FAR1: variants seen among roughly 807,000 people sequenced by gnomAD.
FAR1 encodes the protein fatty acyl-CoA reductase 1.
Under a neutral mutation model 61.1 loss-of-function variants are expected in FAR1, and 22 were observed. The ratio of observed to expected loss-of-function variants is 0.36; its 90% CI spans 0.26 to 0.51. FAR1 has a LOEUF of 0.51. Among genes scored for constraint, FAR1 ranks in the 20% least tolerant of loss-of-function variants. The pLI is 0.95. For missense variants in FAR1, 359 were observed against 626.9 expected (o/e 0.57, Z 4.56); for synonymous variants, 206 against 209.7 (o/e 0.98, Z 0.15).
intron 9 of FAR1, among the ~76,000 whole-genome samples, chr11:13,717,723 A>C (rs929227038): frequency 6.6e-6 from 1 of 152,196 alleles, no homozygotes; most frequent in Non-Finnish European, 1.5e-5. Context: ...GTTTTTGTTG[A>C]AGCTACTCAT....
intron 3 of FAR1, among the ~76,000 whole-genome samples, chr11:13,703,084 A>G (rs955555361): frequency 1.3e-5 from 2 of 152,202 alleles, no homozygotes; most frequent in South Asian, 2.1e-4. Context: ...TTGACTTCCA[A>G]GTGGTGATAG....
chr11:13,708,109 A>G, intron 4 of FAR1, 30 bp downstream of exon 4: 2 of 1,497,666 alleles, frequency 1.3e-6, no homozygotes, highest in Admixed American at 2.0e-5. Flanking sequence ...ATATACATTT[A>G]CTTTGATCCC....
At chr11:13,700,042 A>G (rs1848353070) in intron 2 of FAR1, among the ~76,000 whole-genome samples, 1 of 152,176 alleles carries the variant, frequency 6.6e-6, no homozygotes, top group African/African-American at 2.4e-5. Context: ...TGGACAGTTC[A>G]AATTCAACTT....
chr11:13,675,322 A>G (rs1848055765), intron 1 of FAR1, among the ~76,000 whole-genome samples: 1 of 152,216 alleles, frequency 6.6e-6, no homozygotes. Flanking sequence ...GGGAACTGAC[A>G]TTATTTTAGA....
At chr11:13,695,071 AC>A (rs200144475) in intron 2 of FAR1, 117 bp downstream of exon 2, 391 of 825,430 alleles carry the variant, frequency 4.7e-4, no homozygotes, top group South Asian at 7.2e-4. Flanking sequence ...AATTAGTAAA[AC>A]AAAAAAACTT....
intron 9 of FAR1, among the ~76,000 whole-genome samples, chr11:13,719,653 A>T (rs1394057216): frequency 6.6e-6 from 1 of 152,158 alleles, no homozygotes; most frequent in African/African-American, 2.4e-5. Context: ...TCTATTTTTA[A>T]TCTGTGTACT....
intron 1 of FAR1, among the ~76,000 whole-genome samples, chr11:13,685,807 A>T (rs568618139): frequency 6.6e-6 from 1 of 152,208 alleles, no homozygotes; most frequent in East Asian, 1.9e-4. Context: ...TCTCAGCAAG[A>T]GGTTGTCTTA....
Position 13,721,664 on chromosome 11 carries a change from G to A in FAR1, c.1128-66G>A. ...TATTATAGGGGGAAACTTGCACCCT[G>A]GGTGGTGATAGGATTTTTCCTAATC... On this transcript the variant is annotated intron_variant, in intron 9 of 11. Coordinates refer to ENST00000354817, the MANE Select transcript of FAR1 (RefSeq NM_032228.6). The surrounding 1 kb of genome is among the most constrained non-coding windows in gnomAD (Gnocchi z 4.2). 2.2e-6 allele frequency: 3 copies of A among 1,389,608 alleles called. No homozygotes were observed. Among genetic ancestry groups the A allele is most frequent in the Non-Finnish European group, 3.0e-6 (3 of 1,003,550 alleles). 86.1% of individuals were successfully genotyped at this position (1,389,608 alleles called of 1,614,324 possible).
chr11:13,683,460 GT>G (rs1848152013), intron 1 of FAR1, among the ~76,000 whole-genome samples: 1 of 151,820 alleles, frequency 6.6e-6, no homozygotes, highest in Non-Finnish European at 1.5e-5. Context: ...CTGATTGGGA[GT>G]AAAAAAAACA....
intron 5 of FAR1, among the ~76,000 whole-genome samples, chr11:13,711,463 C>T (rs1046472558): frequency 1.3e-5 from 2 of 152,122 alleles, no homozygotes; most frequent in African/African-American, 4.8e-5. Context: ...CTTGAACAAG[C>T]TTAATTTTGT....
Position 13,724,568 on chromosome 11 carries a change from A to G in FAR1, c.1257+2709A>G, listed in dbSNP as rs950578718. Among the ~76,000 whole-genome samples the G allele has an allele frequency of 1.7e-4, 23 of 132,774 alleles. No homozygotes were observed. The South Asian group carries it at 5.6e-3, about 32-fold the overall frequency. 87.1% of individuals were successfully genotyped at this position (132,774 alleles called of 152,430 possible). A position where few individuals can be genotyped will look rare whatever the true frequency, so the allele number is the denominator to read the frequency against. On this transcript the variant is annotated intron_variant, in intron 10 of 11. Transcript: ENST00000354817. ...CCGCCTCAAAAAAAAAAAAAAAAAA[A>G]AGACTGTAGATTTGGGTCATTACAG...
chr11:13,697,362 T>C (rs1311364862), intron 2 of FAR1, among the ~76,000 whole-genome samples: 1 of 151,972 alleles, frequency 6.6e-6, no homozygotes, highest in East Asian at 1.9e-4. Flanking sequence ...CTCGGGAGGC[T>C]GAGGTGGGAG....
intron 1 of FAR1, among the ~76,000 whole-genome samples, 183 bp from the exon 2 acceptor site, chr11:13,694,576 A>G (rs1565343654): frequency 6.6e-6 from 1 of 152,208 alleles, no homozygotes; most frequent in Non-Finnish European, 1.5e-5. Flanking sequence ...AAAATAAGCT[A>G]TAGTTCTCAT....
Position 13,694,950 on chromosome 11 carries a change from G to T in FAR1, c.185G>T (p.Gly62Val), listed in dbSNP as rs1182993963. The T allele has an allele frequency of 1.9e-6, 3 of 1,607,502 alleles. No individual in the cohort carries two copies. The highest frequency in any genetic ancestry group is 2.5e-6 in the Non-Finnish European group (3 of 1,176,722). The change falls in exon 2 of 12, where the codon GGC becomes GTC. Residue 62 changes from glycine to valine, a missense_variant. Coordinates refer to ENST00000354817, the MANE Select transcript of FAR1 (RefSeq NM_032228.6). ...GAGCGAGTGGAAGAAGTCCTTAGTGGCAAGGTAAGTATGGAAAATGAGCAC... is the reference window on the plus strand; with the variant it reads ...GAGCGAGTGGAAGAAGTCCTTAGTGTCAAGGTAAGTATGGAAAATGAGCAC... ...PQERVEEVLS[G>V]KLFDRLRDEN...
intron 1 of FAR1, among the ~76,000 whole-genome samples, chr11:13,678,048 C>T (rs980603203): frequency 2.0e-5 from 3 of 152,216 alleles, no homozygotes; most frequent in Non-Finnish European, 2.9e-5. Flanking sequence ...CACAGTTTCA[C>T]TGATGGCAAG....
chr11:13,697,843 A>G (rs536324910), intron 2 of FAR1, among the ~76,000 whole-genome samples: 2 of 152,134 alleles, frequency 1.3e-5, no homozygotes, highest in Admixed American at 6.5e-5. Flanking sequence ...ATATTCTTCA[A>G]GTTTCAGGCT....
chr11:13,722,785 T>C (rs1177114045), intron 10 of FAR1, among the ~76,000 whole-genome samples: 1 of 151,968 alleles, frequency 6.6e-6, no homozygotes, highest in Non-Finnish European at 1.5e-5. Context: ...CACAGTTCTC[T>C]ATTTAAACCC....
chr11:13,722,443 T>G (rs1292295619), intron 10 of FAR1, among the ~76,000 whole-genome samples: 1 of 152,076 alleles, frequency 6.6e-6, no homozygotes, highest in Non-Finnish European at 1.5e-5. Context: ...ATGGTTGTAT[T>G]AATACATTAC....
At chr11:13,724,280 G>A (rs1398779942) in intron 10 of FAR1, among the ~76,000 whole-genome samples, 1 of 143,330 alleles carries the variant, frequency 7.0e-6, no homozygotes, top group Admixed American at 6.9e-5. Flanking sequence ...GGGCGTGGTG[G>A]CTCACACCTG....
Sources: allele counts gnomAD v4.1 joint callset (sites outside exome capture counted in the v4.1 genomes callset), GRCh38; gene constraint gnomAD v4.1.1; non-coding constraint Gnocchi (gnomAD v3.1); transcripts MANE v1.5; gene names NCBI Gene and HGNC (gene_info 2026-07-23, HGNC 2026-07-21).